TRIM44: variants seen among roughly 807,000 people sequenced by gnomAD.
The protein encoded by TRIM44 is tripartite motif-containing protein 44.
TRIM44 carries 13 observed loss-of-function variants against 37.4 expected under a neutral mutation model. The ratio of observed to expected loss-of-function variants is 0.35; its 90% CI spans 0.23 to 0.55. TRIM44 has a LOEUF of 0.55. Among genes scored for constraint, TRIM44 ranks in the 20% least tolerant of loss-of-function variants. The probability of loss-of-function intolerance (pLI) is 0.89; values close to 1 mark genes in which losing one functional copy is unlikely to be tolerated. For synonymous variants in TRIM44, 175 were observed against 157.2 expected (o/e 1.11, Z -0.85); for missense variants, 426 against 437.2 (o/e 0.97, Z 0.23).
chr11:35,770,043 C>T (rs1852846001), intron 4 of TRIM44, among the ~76,000 whole-genome samples: 1 of 152,098 alleles, frequency 6.6e-6, no homozygotes, highest in African/African-American at 2.4e-5. Flanking sequence ...AATAGTTTTT[C>T]AACCCTTGCC....
intron 3 of TRIM44, among the ~76,000 whole-genome samples, chr11:35,734,340 GA>G (rs1407547926): frequency 1.3e-5 from 2 of 152,162 alleles, no homozygotes; most frequent in Non-Finnish European, 2.9e-5. Context: ...CTATGATACA[GA>G]GACAATTATT....
Position 35,809,050 on chromosome 11 carries a change from A to G in TRIM44, c.*2665A>G, listed in dbSNP as rs1277220490. 2 of 152,250 alleles carry G rather than the reference A, an allele frequency of 1.3e-5. No homozygotes were observed. The highest frequency in any genetic ancestry group is 1.9e-4 in the East Asian group (1 of 5,204). The allele number at this position is 152,250 out of a possible 1,614,324, so 9.4% of individuals were successfully genotyped here. A position where few individuals can be genotyped will look rare whatever the true frequency, so the allele number is the denominator to read the frequency against. ...CGGATACTCATAGCAATTTCTGGCT[A>G]TCTTTCAAATGTTGAATTTCTGGAT... On this transcript the variant is annotated 3_prime_UTR_variant, in exon 5 of 5. Coordinates refer to ENST00000299413, the MANE Select transcript of TRIM44 (RefSeq NM_017583.6).
chr11:35,776,007 C>T (rs559988309), intron 4 of TRIM44, among the ~76,000 whole-genome samples: 37 of 152,248 alleles, frequency 2.4e-4, no homozygotes, highest in African/African-American at 8.2e-4. Context: ...AGAGGATTCC[C>T]TCTCTTTTTA....
At chr11:35,727,648 C>G (rs527635765) in intron 3 of TRIM44, among the ~76,000 whole-genome samples, 1 of 152,140 alleles carries the variant, frequency 6.6e-6, no homozygotes, top group Non-Finnish European at 1.5e-5. Context: ...TTAATCCTTA[C>G]GTCAGCATTA....
chr11:35,750,617 A>G lies in TRIM44; in HGVS notation c.1007+15172A>G, dbSNP rs1376538231. 2.0e-5 allele frequency among the ~76,000 whole-genome samples: 3 copies of G among 152,292 alleles called. No homozygotes were observed. In the East Asian group the frequency reaches 5.8e-4, roughly 29 times the overall value. On this transcript the variant is annotated intron_variant, in intron 4 of 4. Coordinates refer to ENST00000299413, the MANE Select transcript of TRIM44 (RefSeq NM_017583.6). ...TAAGACTCTTAACCCCATCACATAA[A>G]TGTAAGTCTTTAGAAGTGGTGTTCC...
At chr11:35,805,086 C>T (rs1356450356) in intron 4 of TRIM44, among the ~76,000 whole-genome samples, 1 of 152,126 alleles carries the variant, frequency 6.6e-6, no homozygotes, top group African/African-American at 2.4e-5. Flanking sequence ...AGACTTTATC[C>T]AACTGAAACT....
intron 4 of TRIM44, among the ~76,000 whole-genome samples, chr11:35,767,735 TA>T (rs2133863939): frequency 6.6e-6 from 1 of 152,328 alleles, no homozygotes; most frequent in Non-Finnish European, 1.5e-5. Context: ...CCACATTAAC[TA>T]TTTTTTAGTG....
At chr11:35,697,678 C>G (rs1851723093) in intron 2 of TRIM44, among the ~76,000 whole-genome samples, 1 of 151,714 alleles carries the variant, frequency 6.6e-6, no homozygotes, top group African/African-American at 2.4e-5. Context: ...TGTTCAATTC[C>G]CACCTATGAG....
chr11:35,756,912 A>G (rs898377269), intron 4 of TRIM44, among the ~76,000 whole-genome samples: 1 of 152,132 alleles, frequency 6.6e-6, no homozygotes, highest in Non-Finnish European at 1.5e-5. Context: ...GTTTGCCAGT[A>G]TTTTATTGAG....
intron 2 of TRIM44, among the ~76,000 whole-genome samples, chr11:35,706,913 G>A (rs1381648300): frequency 3.3e-5 from 5 of 149,530 alleles, no homozygotes; most frequent in Admixed American, 2.7e-4. Context: ...TTCTGGCCAG[G>A]GCAATTAGGC....
At chr11:35,723,979 C>A (rs1852138409) in intron 2 of TRIM44, among the ~76,000 whole-genome samples, 1 of 152,164 alleles carries the variant, frequency 6.6e-6, no homozygotes, top group Non-Finnish European at 1.5e-5. Flanking sequence ...ACACAAATCA[C>A]AGTTCTCAAT....
intron 4 of TRIM44, among the ~76,000 whole-genome samples, chr11:35,786,712 T>C (rs1853134800): frequency 6.6e-6 from 1 of 152,128 alleles, no homozygotes; most frequent in Non-Finnish European, 1.5e-5. Flanking sequence ...GAGATTATAA[T>C]GATACCTATT....
rs57127722 is a variant in TRIM44, at chr11:35,792,072, TACACACACACACAC to T, written c.1008-14259_1008-14246del. On this transcript the variant is annotated intron_variant, in intron 4 of 4. Transcript: ENST00000299413. ...CCATCCCTTCCTGAGGAGTTGCCCC[TACACACACACACAC>T]ACACACACACACACACACACACACA... Among the ~76,000 whole-genome samples the T allele has an allele frequency of 0.015, 2,033 of 136,828 alleles. 128 individuals are homozygous for T. In the East Asian group the frequency reaches 0.15, roughly 10 times the overall value. 89.8% of individuals were successfully genotyped at this position (136,828 alleles called of 152,430 possible).
At position 35,806,440 on chromosome 11, in the gene TRIM44, C is replaced by T. The variant is rs561930783; in HGVS notation, c.*55C>T. On this transcript the variant is annotated 3_prime_UTR_variant, in exon 5 of 5. Transcript: ENST00000299413. ...CCCTCCCCTTGTGTGTATGTGACAGCGTGTATGTAACGGCTTCTGATTTCT... is the reference window on the plus strand; with the variant it reads ...CCCTCCCCTTGTGTGTATGTGACAGTGTGTATGTAACGGCTTCTGATTTCT... The T allele has an allele frequency of 2.0e-5, 31 of 1,585,474 alleles. No individual in the cohort carries two copies. The highest frequency in any genetic ancestry group is 3.3e-4 in the Middle Eastern group (2 of 5,996).
At chr11:35,703,996 A>C (rs1229637111) in intron 2 of TRIM44, among the ~76,000 whole-genome samples, 1 of 152,156 alleles carries the variant, frequency 6.6e-6, no homozygotes, top group Non-Finnish European at 1.5e-5. Context: ...AAAGGCAAAG[A>C]AGTTGAAAAC....
intron 2 of TRIM44, among the ~76,000 whole-genome samples, chr11:35,697,446 CT>C (rs1339763031): frequency 1.4e-3 from 178 of 126,542 alleles, no homozygotes; most frequent in Admixed American, 2.9e-3. Context: ...GCCACGTTTT[CT>C]TTTTTTTTTT....
intron 1 of TRIM44, among the ~76,000 whole-genome samples, chr11:35,664,695 T>C (rs1393519296): frequency 1.3e-5 from 2 of 152,232 alleles, no homozygotes; most frequent in Admixed American, 1.3e-4. Context: ...TTAGTGCCTA[T>C]TTATAATTGT....
intron 2 of TRIM44, among the ~76,000 whole-genome samples, chr11:35,691,750 T>C (rs1422832755): frequency 6.6e-6 from 1 of 152,200 alleles, no homozygotes; most frequent in Non-Finnish European, 1.5e-5. Flanking sequence ...GTTCACACCA[T>C]TCTCCTGCCT....
intron 1 of TRIM44, among the ~76,000 whole-genome samples, chr11:35,682,060 G>A (rs11033232): frequency 0.12 from 18,095 of 150,492 alleles, 1,396 homozygotes; most frequent in Middle Eastern, 0.18. Flanking sequence ...CCAGGTTCAG[G>A]CGATTCTCCT....
Sources: allele counts gnomAD v4.1 joint callset (sites outside exome capture counted in the v4.1 genomes callset), GRCh38; gene constraint gnomAD v4.1.1; transcripts MANE v1.5; gene names NCBI Gene and HGNC (gene_info 2026-07-23, HGNC 2026-07-21).